Variants in CDIN1 observed in about 807,000 individuals in gnomAD.
CDIN1 encodes CDAN1-interacting nuclease 1.
In CDIN1, 33 loss-of-function variants were observed where a neutral mutation model predicts 45.3. The ratio of observed to expected loss-of-function variants is 0.73; its 90% CI spans 0.55 to 0.97. The LOEUF (loss-of-function observed/expected upper bound fraction) is 0.97. CDIN1 is among the 50% of genes least tolerant of loss of function. The pLI, the probability that CDIN1 is intolerant of heterozygous loss-of-function variation, is 0.00. For missense variants in CDIN1, 303 were observed against 339.4 expected (o/e 0.89, Z 0.84); for synonymous variants, 118 against 124.4 (o/e 0.95, Z 0.34).
chr15:36,589,452 T>A (rs1315715113), intron 1 of CDIN1, among the ~76,000 whole-genome samples: 2 of 152,186 alleles, frequency 1.3e-5, no homozygotes, highest in African/African-American at 4.8e-5. Context: ...ATACAGTGAA[T>A]ACATTTAAGC....
intron 10 of CDIN1, among the ~76,000 whole-genome samples, chr15:36,803,680 C>T (rs1311137905): frequency 1.3e-5 from 2 of 152,190 alleles, no homozygotes; most frequent in African/African-American, 4.8e-5. Flanking sequence ...CCTAAGTCTG[C>T]ACTTGAGAGC....
intron 10 of CDIN1, among the ~76,000 whole-genome samples, chr15:36,722,985 G>GTGTGTGTTT (rs111713255): frequency 8.4e-6 from 1 of 119,074 alleles, no homozygotes; most frequent in African/African-American, 2.8e-5. Context: ...GTGTGTGTGT[G>GTGTGTGTTT]TTTCTCTCTC....
intron 7 of CDIN1, among the ~76,000 whole-genome samples, chr15:36,696,245 G>A (rs963544062): frequency 6.6e-5 from 10 of 152,032 alleles, no homozygotes; most frequent in African/African-American, 1.7e-4. Flanking sequence ...ACATGCATAC[G>A]CATACACACA....
intron 10 of CDIN1, chr15:36,755,980 C>A: frequency 2.3e-6 from 1 of 442,140 alleles, no homozygotes; most frequent in Non-Finnish European, 4.5e-6. Context: ...GGGAGAGAAC[C>A]AGTGTGCCAC....
intron 10 of CDIN1, among the ~76,000 whole-genome samples, chr15:36,713,136 A>G (rs1017173560): frequency 1.3e-5 from 2 of 152,280 alleles, no homozygotes; most frequent in Admixed American, 6.5e-5. Context: ...TCAAAGAGGC[A>G]GGGATAGACA....
chr15:36,654,639 A>G (rs1041636846), intron 4 of CDIN1, among the ~76,000 whole-genome samples: 1 of 152,138 alleles, frequency 6.6e-6, no homozygotes. Flanking sequence ...CCTTGTAGAA[A>G]AGTCTCCTTC....
At chr15:36,759,504 C>G (rs186345007) in intron 10 of CDIN1, among the ~76,000 whole-genome samples, 2 of 151,784 alleles carry the variant, frequency 1.3e-5, no homozygotes, top group Non-Finnish European at 1.5e-5. Flanking sequence ...AAAAAAAAAA[C>G]TCATTTAAAA....
intron 10 of CDIN1, among the ~76,000 whole-genome samples, chr15:36,779,375 T>C (rs528844723): frequency 1.3e-5 from 2 of 152,274 alleles, no homozygotes; most frequent in East Asian, 3.9e-4. Context: ...TCCACCTAAG[T>C]TCATTTTTTT....
intron 10 of CDIN1, among the ~76,000 whole-genome samples, chr15:36,764,214 GTTTTT>G (rs11297312): frequency 3.4e-5 from 4 of 116,292 alleles, no homozygotes; most frequent in Admixed American, 1.8e-4. Context: ...TGTGGTTTTG[GTTTTT>G]TTTTTTTTTT....
chr15:36,636,661 GAT>G (rs1406356793), intron 1 of CDIN1, among the ~76,000 whole-genome samples: 2 of 152,338 alleles, frequency 1.3e-5, no homozygotes, highest in East Asian at 3.9e-4. Flanking sequence ...AGTAAGCAGA[GAT>G]ATATGCAACA....
chr15:36,754,508 A>G (rs756889241), intron 10 of CDIN1, among the ~76,000 whole-genome samples: 3 of 151,664 alleles, frequency 2.0e-5, no homozygotes, highest in Non-Finnish European at 4.4e-5. Flanking sequence ...TTCTGTCCAA[A>G]ATATAACTCT....
In CDIN1 at chr15:36,787,720, G is replaced by A. The variant is rs183918533; in HGVS notation, c.717-20604G>A. 2.8e-3 allele frequency among the ~76,000 whole-genome samples: 421 copies of A among 151,288 alleles called. 4 individuals carry two copies. The highest frequency in any genetic ancestry group is 9.6e-3 in the African/African-American group (392 of 40,792). ...AAAATTAGATTTTAATCGTACTATA[G>A]AGATAGTCTATTCTGTCACTTAAGG... On this transcript the variant is annotated intron_variant, in intron 10 of 10. Coordinates refer to ENST00000566621, the MANE Select transcript of CDIN1 (RefSeq NM_001321759.2).
Position 36,809,068 on chromosome 15 carries a change from C to T in CDIN1, c.*615C>T. The T allele has an allele frequency of 2.6e-6, 1 of 388,492 alleles. No homozygotes were observed. Among genetic ancestry groups the T allele is most frequent in the Non-Finnish European group, 5.2e-6 (1 of 192,430 alleles). The allele number at this position is 388,492 out of a possible 1,614,324, so 24.1% of individuals were successfully genotyped here. A position where few individuals can be genotyped will look rare whatever the true frequency, so the allele number is the denominator to read the frequency against. ...TGCTATATTCAATCTTTACGGCTTC[C>T]TGACTTCTGTGACAGTAAGCCAAGT... On this transcript the variant is annotated 3_prime_UTR_variant, in exon 11 of 11. Coordinates refer to ENST00000566621, the MANE Select transcript of CDIN1 (RefSeq NM_001321759.2).
intron 1 of CDIN1, among the ~76,000 whole-genome samples, chr15:36,608,022 T>C (rs2140260170): frequency 6.6e-6 from 1 of 152,364 alleles, no homozygotes; most frequent in South Asian, 2.1e-4. Context: ...TGTCTCATTC[T>C]TTCTTATTGC....
intron 10 of CDIN1, among the ~76,000 whole-genome samples, chr15:36,803,363 G>A (rs536127171): frequency 6.6e-6 from 1 of 151,860 alleles, no homozygotes; most frequent in Admixed American, 6.6e-5. Context: ...AGTGGGGACT[G>A]TGGCAGTCCC....
intron 8 of CDIN1, chr15:36,708,334 C>T (rs1209025593): frequency 1.3e-5 from 2 of 152,030 alleles, no homozygotes; most frequent in Non-Finnish European, 2.9e-5. Flanking sequence ...TGGGTGAAGA[C>T]AGAAAGCCAT....
intron 10 of CDIN1, among the ~76,000 whole-genome samples, chr15:36,723,439 T>C (rs2043507810): frequency 6.6e-6 from 1 of 152,200 alleles, no homozygotes; most frequent in Non-Finnish European, 1.5e-5. Flanking sequence ...GTGAAGTCAT[T>C]GGTTGTGTGC....
At chr15:36,705,261 G>A (rs1237228469) in intron 8 of CDIN1, 1 of 152,146 alleles carries the variant, frequency 6.6e-6, no homozygotes, top group Admixed American at 6.5e-5. Context: ...CCATTGAAGT[G>A]CTAGAAAACA....
intron 10 of CDIN1, among the ~76,000 whole-genome samples, chr15:36,729,827 G>C (rs2140907741): frequency 6.6e-6 from 1 of 152,170 alleles, no homozygotes; most frequent in Non-Finnish European, 1.5e-5. Flanking sequence ...TCTGTCTCTA[G>C]GTTTCATTAT....
Sources: gnomAD v4.1 joint callset for allele counts (sites outside exome capture counted in the v4.1 genomes callset) on GRCh38, gnomAD v4.1.1 for gene constraint, MANE v1.5 for transcripts, NCBI Gene and HGNC (gene_info 2026-07-23, HGNC 2026-07-21) for gene names.